The following CLCA2 variants were observed in gnomAD, a reference collection of about 807,000 sequenced individuals.
CLCA2 encodes the protein calcium-activated chloride channel regulator 2.
Under a neutral mutation model 82.9 loss-of-function variants are expected in CLCA2, and 85 were observed. That is an observed-to-expected ratio of 1.03 (90% CI 0.86 to 1.23). The LOEUF (loss-of-function observed/expected upper bound fraction) is 1.23, where lower values mean the gene tolerates loss of function less well. Ranked by LOEUF, CLCA2 falls within the 50% of genes most tolerant of loss-of-function variation. The probability of loss-of-function intolerance (pLI) is 0.00; values close to 1 mark genes in which losing one functional copy is unlikely to be tolerated. For missense variants in CLCA2, 1,089 were observed against 1,124.8 expected (o/e 0.97, Z 0.45); for synonymous variants, 421 against 391.7 (o/e 1.07, Z -0.88).
chr1:86,448,769 A>G (rs960740341), intron 11 of CLCA2, among the ~76,000 whole-genome samples: 12 of 152,260 alleles, frequency 7.9e-5, no homozygotes, highest in African/African-American at 2.9e-4. Context: ...ACTGGGGGAT[A>G]CCAGAGAAGT....
Position 86,450,549 on chromosome 1 carries a change from T to G in CLCA2, c.1985-14T>G. 6.3e-7 allele frequency: 1 copy of G among 1,597,264 alleles called. No individual in the cohort carries two copies. The highest frequency in any genetic ancestry group is 8.5e-7 in the Non-Finnish European group (1 of 1,170,286). ...TAATAACAAGTGTTGACACTGTGTT[T>G]TTTATATATACAGGTGCTGATGTTA... On this transcript the variant is annotated splice_polypyrimidine_tract_variant and intron_variant, in intron 11 of 13. Coordinates refer to ENST00000370565, the MANE Select transcript of CLCA2 (RefSeq NM_006536.7).
At chr1:86,425,297 T>C in intron 1 of CLCA2, 42 bp from the exon 2 acceptor site, 1 of 1,469,790 alleles carries the variant, frequency 6.8e-7, no homozygotes, top group East Asian at 2.4e-5. Context: ...ACATACAGGA[T>C]TTACAAGTGG....
intron 4 of CLCA2, among the ~76,000 whole-genome samples, chr1:86,431,608 A>T (rs1487065900): frequency 6.6e-6 from 1 of 152,228 alleles, no homozygotes; most frequent in Non-Finnish European, 1.5e-5. Context: ...TCCTATCAAC[A>T]ACATTTGAGA....
Position 86,443,984 on chromosome 1 carries a change from T to C in CLCA2, c.1686T>C (p.Ala562=), listed in dbSNP as rs1220628205. The part of the protein sequence containing the change: ...NFITNLTFRT[A]SLWIPGTAKP... ...TCACCAATCTAACTTTTCGGACAGC[T>C]AGTCTTTGGATTCCAGGAACAGCTA... Residue 562 remains alanine, a synonymous_variant, in exon 10 of 14, where the codon GCT becomes GCC. Transcript: ENST00000370565. 1 of 1,612,570 alleles carries C rather than the reference T, an allele frequency of 6.2e-7. No homozygotes were observed. The highest frequency in any genetic ancestry group is 1.1e-5 in the South Asian group (1 of 91,018).
At chr1:86,442,703 T>C (rs901972235) in intron 9 of CLCA2, among the ~76,000 whole-genome samples, 4 of 152,270 alleles carry the variant, frequency 2.6e-5, no homozygotes, top group African/African-American at 4.8e-5. Context: ...ACTAATGTGC[T>C]TATTTAATAA....
chr1:86,441,677 TA>T, intron 9 of CLCA2, 134 bp downstream of exon 9: 1 of 567,502 alleles, frequency 1.8e-6, no homozygotes, highest in Admixed American at 3.0e-5. Context: ...GGAAGGCTTT[TA>T]AAAGGCTGCT....
At chr1:86,443,753 C>A in intron 9 of CLCA2, 34 bp from the exon 10 acceptor site, 4 of 1,505,650 alleles carry the variant, frequency 2.7e-6, no homozygotes, top group Non-Finnish European at 3.7e-6. Flanking sequence ...TATGCATACA[C>A]CAGAAACTCT....
intron 11 of CLCA2, among the ~76,000 whole-genome samples, chr1:86,450,039 T>G (rs1011656892): frequency 2.6e-5 from 4 of 152,200 alleles, no homozygotes; most frequent in Admixed American, 1.3e-4. Context: ...TACCCTCTAA[T>G]GAGGAAATTA....
rs116231088 is a variant in CLCA2, at chr1:86,426,961, A to G, written c.325-1457A>G. ...AAATATGAGTGAACGGAAAGACCAA[A>G]GGAAACAATCGTCCCTGGATGCTGT... is the stretch of plus-strand genomic sequence containing the variant. On this transcript the variant is annotated intron_variant, in intron 2 of 13. Transcript: ENST00000370565. 2.2e-3 allele frequency among the ~76,000 whole-genome samples: 332 copies of G among 152,328 alleles called. 1 individual carries two copies. The highest frequency in any genetic ancestry group is 7.6e-3 in the African/African-American group (318 of 41,582).
At position 86,447,921 on chromosome 1, in the gene CLCA2, G is replaced by A. The variant is rs1164214403; in HGVS notation, c.1984+143G>A. ...TACAATATTCTCAAATTCTTATAGA[G>A]TCACTGATATACTGAATAGCTACAG... On this transcript the variant is annotated intron_variant, in intron 11 of 13. Coordinates refer to ENST00000370565, the MANE Select transcript of CLCA2 (RefSeq NM_006536.7). 14 of 831,710 alleles carry A rather than the reference G, an allele frequency of 1.7e-5. No homozygotes were observed. In the East Asian group the frequency reaches 2.9e-4, roughly 17 times the overall value. 51.5% of individuals were successfully genotyped at this position (831,710 alleles called of 1,614,324 possible). A position where few individuals can be genotyped will look rare whatever the true frequency, so the allele number is the denominator to read the frequency against.
At chr1:86,427,505 T>C (rs1662411410) in intron 2 of CLCA2, among the ~76,000 whole-genome samples, 1 of 151,732 alleles carries the variant, frequency 6.6e-6, no homozygotes, top group Non-Finnish European at 1.5e-5. Context: ...TGTCCTCTTC[T>C]TCTCAGTGGC....
rs1019353352 is a variant in CLCA2 at position 86,425,530 on chromosome 1, T to C, written c.324+54T>C. The C allele has an allele frequency of 5.1e-6, 7 of 1,385,942 alleles. No homozygotes were observed. In the Admixed American group the frequency reaches 1.3e-4, roughly 26 times the overall value. The allele number at this position is 1,385,942 out of a possible 1,614,324, so 85.9% of individuals were successfully genotyped here. On this transcript the variant is annotated intron_variant, in intron 2 of 13. Transcript: ENST00000370565. Reference sequence around the variant, plus strand: ...CTCAAGGGGAAAAAAAACACCAAAATATACTGTGCTCAAACGATAAAAGTG... The same window carrying C: ...CTCAAGGGGAAAAAAAACACCAAAACATACTGTGCTCAAACGATAAAAGTG...
rs547896160 is a variant in CLCA2, at chr1:86,430,790, C to T, written c.476-72C>T. 285 of 1,075,678 alleles carry T rather than the reference C, an allele frequency of 2.6e-4. 4 individuals carry two copies. The South Asian group carries it at 3.3e-3, about 13-fold the overall frequency. The allele number at this position is 1,075,678 out of a possible 1,614,324, so 66.6% of individuals were successfully genotyped here. A position where few individuals can be genotyped will look rare whatever the true frequency, so the allele number is the denominator to read the frequency against. ...GAGTATGTGTGGTCAAGAAATGTTACGTCTTCACTAGTTAGCAAGGCACAT... is the reference window on the plus strand; with the variant it reads ...GAGTATGTGTGGTCAAGAAATGTTATGTCTTCACTAGTTAGCAAGGCACAT... On this transcript the variant is annotated intron_variant, in intron 3 of 13. Coordinates refer to ENST00000370565, the MANE Select transcript of CLCA2 (RefSeq NM_006536.7).
chr1:86,427,428 TA>T (rs1662409983), intron 2 of CLCA2, among the ~76,000 whole-genome samples: 1 of 152,122 alleles, frequency 6.6e-6, no homozygotes, highest in African/African-American at 2.4e-5. Flanking sequence ...ATTATAAAAG[TA>T]ATTTATACTC....
intron 6 of CLCA2, among the ~76,000 whole-genome samples, chr1:86,438,116 T>A (rs545993783): frequency 2.8e-4 from 43 of 152,206 alleles, no homozygotes; most frequent in African/African-American, 9.6e-4. Flanking sequence ...GAAATGCAGG[T>A]CTAGATCCAC....
At chr1:86,450,782 A>G in intron 12 of CLCA2, 49 bp downstream of exon 12, 3 of 1,484,176 alleles carry the variant, frequency 2.0e-6, no homozygotes, top group Non-Finnish European at 2.7e-6. Flanking sequence ...TCATGTACAT[A>G]TCTCTGATGG....
At chr1:86,454,784 TC>T (rs1227080140) in intron 13 of CLCA2, among the ~76,000 whole-genome samples, 1 of 151,758 alleles carries the variant, frequency 6.6e-6, no homozygotes, top group Non-Finnish European at 1.5e-5. Context: ...AGAGCAAGAC[TC>T]CATCTCAAAC....
intron 6 of CLCA2, among the ~76,000 whole-genome samples, chr1:86,436,093 A>G (rs1662604491): frequency 1.3e-5 from 2 of 152,234 alleles, no homozygotes; most frequent in Admixed American, 1.3e-4. Flanking sequence ...GGGAGTTGCA[A>G]CAGAGAACTT....
intron 12 of CLCA2, among the ~76,000 whole-genome samples, chr1:86,452,176 C>CTTTTTTTTTTTTTTTTTTTTTTTTTTTT (rs753484167): frequency 9.1e-5 from 4 of 43,936 alleles, no homozygotes; most frequent in South Asian, 1.5e-3. Context: ...AACCTGGAAG[C>CTTTTTTTTTTTTTTTTTTTTTTTTTTTT]TTTTTTTTTT....
Sources: gnomAD v4.1 joint callset for allele counts (sites outside exome capture counted in the v4.1 genomes callset) on GRCh38, gnomAD v4.1.1 for gene constraint, MANE v1.5 for transcripts, NCBI Gene and HGNC (gene_info 2026-07-23, HGNC 2026-07-21) for gene names.